ZHX2: variants seen among roughly 807,000 people sequenced by gnomAD.
ZHX2 encodes zinc fingers and homeoboxes protein 2.
In ZHX2, 6 loss-of-function variants were observed where a neutral mutation model predicts 21.9. That is an observed-to-expected ratio of 0.27 (90% CI 0.15 to 0.54). The LOEUF (loss-of-function observed/expected upper bound fraction) is 0.54. Ranked by LOEUF, ZHX2 falls within the 20% of genes least tolerant of loss-of-function variation. The pLI is 0.95. For missense variants in ZHX2, 908 were observed against 1,090.7 expected, an observed-to-expected ratio of 0.83 and a Z score of 2.36; for synonymous variants, 434 against 437.1, an observed-to-expected ratio of 0.99 and a Z score of 0.09.
intron 3 of ZHX2, among the ~76,000 whole-genome samples, chr8:122,957,223 C>G (rs1011219063): frequency 1.3e-5 from 2 of 151,258 alleles, no homozygotes; most frequent in Admixed American, 6.6e-5. Context: ...GCCATCTTTA[C>G]CTCATTATTT....
chr8:122,802,716 G>A (rs1191965439), intron 1 of ZHX2, among the ~76,000 whole-genome samples: 1 of 152,200 alleles, frequency 6.6e-6, no homozygotes, highest in Non-Finnish European at 1.5e-5. Context: ...GGGCAGAGGA[G>A]CAGGGCAGGA....
At chr8:122,795,728 A>G (rs1306507778) in intron 1 of ZHX2, among the ~76,000 whole-genome samples, 3 of 152,192 alleles carry the variant, frequency 2.0e-5, no homozygotes, top group African/African-American at 7.2e-5. Flanking sequence ...CTCATTTTAC[A>G]TATGAGGAAA....
At chr8:122,813,684 G>A (rs2130614291) in intron 1 of ZHX2, among the ~76,000 whole-genome samples, 1 of 152,222 alleles carries the variant, frequency 6.6e-6, no homozygotes, top group Non-Finnish European at 1.5e-5. Context: ...TGGGATATTT[G>A]CTGAATACAT....
At chr8:122,946,588 A>G (rs1286615319) in intron 2 of ZHX2, among the ~76,000 whole-genome samples, 1 of 152,124 alleles carries the variant, frequency 6.6e-6, no homozygotes, top group African/African-American at 2.4e-5. Context: ...AACAGATTTA[A>G]ATAATGCGGG....
At chr8:122,859,215 C>T (rs538016432) in intron 1 of ZHX2, among the ~76,000 whole-genome samples, 3 of 152,226 alleles carry the variant, frequency 2.0e-5, no homozygotes, top group South Asian at 4.2e-4. Flanking sequence ...TGGGGTCTAG[C>T]GGGGTGATGG....
chr8:122,813,401 G>A (rs1286348388), intron 1 of ZHX2, among the ~76,000 whole-genome samples: 2 of 152,072 alleles, frequency 1.3e-5, no homozygotes, highest in Non-Finnish European at 2.9e-5. Context: ...CCTGAAAGAC[G>A]CACCTCCCTT....
chr8:122,841,156 C>G (rs1818616206), intron 1 of ZHX2, among the ~76,000 whole-genome samples: 1 of 152,156 alleles, frequency 6.6e-6, no homozygotes, highest in Non-Finnish European at 1.5e-5. Flanking sequence ...TCCTGCTTCC[C>G]CTTCCTCCCT....
intron 2 of ZHX2, among the ~76,000 whole-genome samples, chr8:122,906,622 T>A (rs1820352057): frequency 6.6e-6 from 1 of 151,692 alleles, no homozygotes. Context: ...GAAGCAGAGA[T>A]GGGAGATACT....
chr8:122,803,314 G>T (rs948089656), intron 1 of ZHX2, among the ~76,000 whole-genome samples: 1 of 152,180 alleles, frequency 6.6e-6, no homozygotes, highest in Non-Finnish European at 1.5e-5. Context: ...CGCCTCAGAG[G>T]TGCCACTCCC....
At chr8:122,942,347 A>T (rs1812865439) in intron 2 of ZHX2, among the ~76,000 whole-genome samples, 1 of 152,140 alleles carries the variant, frequency 6.6e-6, no homozygotes, top group Admixed American at 6.5e-5. Context: ...CCACAAAGCT[A>T]AAAGCATCCT....
chr8:122,952,938 T>A lies in ZHX2; in HGVS notation c.1428T>A (p.Thr476=). ...DAEVYRLIEV[T]GLARSEIKKW... ...AGGTTTACCGGCTCATCGAGGTGAC[T>A]GGCCTTGCCAGGAGCGAGATCAAGA... Residue 476 remains threonine, a synonymous_variant, in exon 3 of 4, where the codon ACT becomes ACA. Coordinates refer to ENST00000314393, the MANE Select transcript of ZHX2 (RefSeq NM_014943.5). The surrounding 1 kb of genome is among the most constrained non-coding windows in gnomAD (Gnocchi z 6.9). The A allele has an allele frequency of 6.2e-7, 1 of 1,614,094 alleles. No homozygotes were observed. Among genetic ancestry groups the A allele is most frequent in the Non-Finnish European group, 8.5e-7 (1 of 1,180,034 alleles).
intron 2 of ZHX2, among the ~76,000 whole-genome samples, chr8:122,919,302 C>T (rs140956812): frequency 1.1e-4 from 16 of 152,326 alleles, no homozygotes; most frequent in African/African-American, 2.9e-4. Context: ...GATTCATAAT[C>T]GGTGCACAGT....
At chr8:122,871,643 G>A (rs892120076) in intron 2 of ZHX2, among the ~76,000 whole-genome samples, 3 of 142,588 alleles carry the variant, frequency 2.1e-5, no homozygotes, top group African/African-American at 7.9e-5. Flanking sequence ...AAACCTGCAC[G>A]TTGTGCACAT....
chr8:122,936,832 C>T (rs1228592077), intron 2 of ZHX2, among the ~76,000 whole-genome samples: 2 of 152,156 alleles, frequency 1.3e-5, no homozygotes, highest in African/African-American at 4.8e-5. Flanking sequence ...ATCCAGTGCC[C>T]TCAGCAACTC....
chr8:122,804,882 T>A (rs1817793296), intron 1 of ZHX2, among the ~76,000 whole-genome samples: 1 of 152,148 alleles, frequency 6.6e-6, no homozygotes, highest in Admixed American at 6.5e-5. Context: ...GAGCTGAAAC[T>A]AGAACACAGG....
chr8:122,786,286 A>T (rs1487560048), intron 1 of ZHX2, among the ~76,000 whole-genome samples: 1 of 152,118 alleles, frequency 6.6e-6, no homozygotes, highest in East Asian at 1.9e-4. Flanking sequence ...CATCAGCAGG[A>T]TACCTTTGGC....
intron 1 of ZHX2, among the ~76,000 whole-genome samples, chr8:122,786,195 G>A (rs1222779798): frequency 6.6e-6 from 1 of 152,130 alleles, no homozygotes; most frequent in Non-Finnish European, 1.5e-5. Flanking sequence ...CTGGAAGGGG[G>A]TGCCATTTAC....
chr8:122,843,024 G>A (rs1199769757), intron 1 of ZHX2, among the ~76,000 whole-genome samples: 2 of 152,196 alleles, frequency 1.3e-5, no homozygotes, highest in Non-Finnish European at 2.9e-5. Context: ...CATTGCCCCA[G>A]CTCATTTTCT....
chr8:122,906,862 G>A (rs533651767), intron 2 of ZHX2, among the ~76,000 whole-genome samples: 1 of 151,878 alleles, frequency 6.6e-6, no homozygotes, highest in African/African-American at 2.4e-5. Flanking sequence ...GTAGAGACAG[G>A]GTTTCACCAT....
Sources: gnomAD v4.1 joint callset for allele counts (sites outside exome capture counted in the v4.1 genomes callset) on GRCh38, gnomAD v4.1.1 for gene constraint, Gnocchi (gnomAD v3.1) non-coding constraint, MANE v1.5 for transcripts, NCBI Gene and HGNC (gene_info 2026-07-23, HGNC 2026-07-21) for gene names.